C3orf22: variants seen among roughly 807,000 people sequenced by gnomAD.
The protein encoded by C3orf22 is uncharacterized protein C3orf22.
C3orf22 carries 7 observed loss-of-function variants against 10.8 expected under a neutral mutation model. That is an observed-to-expected ratio of 0.65 (90% CI 0.37 to 1.22). C3orf22 has a LOEUF of 1.22. C3orf22 is among the 50% of genes most tolerant of loss of function. The pLI is 0.02. For synonymous variants in C3orf22, 79 were observed against 78.9 expected (o/e 1.00, Z 0.00); for missense variants, 173 against 177.0 (o/e 0.98, Z 0.13).
intron 2 of C3orf22, 108 bp from the exon 3 acceptor site, chr3:126,552,230 A>G: frequency 3.3e-6 from 5 of 1,516,456 alleles, no homozygotes; most frequent in Non-Finnish European, 4.5e-6. Flanking sequence ...TAAGTGCTTC[A>G]CAAATATTAG....
chr3:126,546,930 A>G (rs139181818), downstream of C3orf22, among the ~76,000 whole-genome samples: 1 of 152,322 alleles, frequency 6.6e-6, no homozygotes, highest in East Asian at 1.9e-4. Flanking sequence ...AATCAACCAT[A>G]AATCCATGAT....
chr3:126,549,983 T>C lies in C3orf22; in HGVS notation c.311A>G (p.Lys104Arg). Residue 104 changes from lysine to arginine, a missense_variant, in exon 4 of 4, where the codon AAG becomes AGG. Physicochemically the swap from Lys to Arg is conservative, Grantham distance 26 (BLOSUM62 2). Coordinates refer to ENST00000318225, the MANE Select transcript of C3orf22 (RefSeq NM_152533.3). ...TCTGGGGAAGCGGCGACTCAGCAAC[T>C]TGAGTTCCCAAAGGTTGCACAGTGG... The part of the protein sequence containing the change: ...PPPLCNLWEL[K>R]LLSRRFPRQL... The C allele has an allele frequency of 6.2e-7, 1 of 1,614,066 alleles. No individual in the cohort carries two copies. Among genetic ancestry groups the C allele is most frequent in the Non-Finnish European group, 8.5e-7 (1 of 1,180,016 alleles).
chr3:126,527,711 G>T (rs1427245831), exon 6 of C3orf22: 2 of 152,296 alleles, frequency 1.3e-5, no homozygotes, highest in African/African-American at 2.4e-5. Context: ...GTGGGCAAAG[G>T]GAGGGGAAGT....
chr3:126,550,285 C>A lies in C3orf22; in HGVS notation c.216-207G>T, dbSNP rs111677884. On this transcript the variant is annotated intron_variant, in intron 3 of 3. Transcript: ENST00000318225. ...TGGGGGCACCGCACACTCACCCCCC[C>A]ACACAGGCTCCTCCAGCCACCTGAC... Among the ~76,000 whole-genome samples the A allele has an allele frequency of 1.5e-4, 23 of 152,230 alleles. 1 individual carries two copies. The highest frequency in any genetic ancestry group is 2.2e-4 in the African/African-American group (9 of 41,526).
chr3:126,555,392 C>G (rs1218443642), intron 1 of C3orf22, among the ~76,000 whole-genome samples: 1 of 152,204 alleles, frequency 6.6e-6, no homozygotes, highest in Admixed American at 6.5e-5. Context: ...CAGGACGGTA[C>G]AGTCGCAGGA....
intron 4 of C3orf22, among the ~76,000 whole-genome samples, chr3:126,535,387 TAGAC>T (rs1320261756): frequency 8.7e-5 from 7 of 80,684 alleles, no homozygotes; most frequent in Non-Finnish European, 1.5e-4. Context: ...CCCCAGCTGG[TAGAC>T]AGACAGACAG....
intron 4 of C3orf22, among the ~76,000 whole-genome samples, chr3:126,529,760 C>CTTCCA (rs2107562972): frequency 6.6e-6 from 1 of 152,298 alleles, no homozygotes; most frequent in South Asian, 2.1e-4. Flanking sequence ...CCCTCCTCCC[C>CTTCCA]TCCCATCATC....
chr3:126,535,289 AAGAC>A (rs902590202), intron 4 of C3orf22, among the ~76,000 whole-genome samples: 1 of 106,168 alleles, frequency 9.4e-6, no homozygotes, highest in African/African-American at 3.6e-5. Flanking sequence ...CAGCTGGAGA[AAGAC>A]AGACAGCATC....
chr3:126,557,498 A>C (rs1937377765), intron 1 of C3orf22, among the ~76,000 whole-genome samples: 1 of 152,074 alleles, frequency 6.6e-6, no homozygotes, highest in South Asian at 2.1e-4. Context: ...CTGCTCATCC[A>C]TCCCTCTGAG....
At chr3:126,538,362 G>C (rs966760556) in intron 4 of C3orf22, among the ~76,000 whole-genome samples, 12 of 152,322 alleles carry the variant, frequency 7.9e-5, no homozygotes, top group African/African-American at 1.9e-4. Flanking sequence ...TGAGTGGTGG[G>C]GTAAGGGTTT....
downstream of C3orf22, among the ~76,000 whole-genome samples, chr3:126,544,892 C>T (rs1937040687): frequency 6.6e-6 from 1 of 152,260 alleles, no homozygotes; most frequent in African/African-American, 2.4e-5. Flanking sequence ...TCTGTACCCT[C>T]TGCTGTATGT....
intron 2 of C3orf22, 74 bp downstream of exon 2, chr3:126,553,228 C>G (rs574750772): frequency 2.9e-6 from 3 of 1,041,384 alleles, no homozygotes; most frequent in Non-Finnish European, 4.6e-6. Context: ...CCACAGAATG[C>G]ATTTGAGTTC....
intron 3 of C3orf22, among the ~76,000 whole-genome samples, chr3:126,550,337 C>T (rs1230781421): frequency 6.6e-6 from 1 of 152,166 alleles, no homozygotes; most frequent in Non-Finnish European, 1.5e-5. Context: ...AGGAGCCTCC[C>T]CAGTGCCTCC....
chr3:126,531,279 G>C (rs1487283412), intron 4 of C3orf22, among the ~76,000 whole-genome samples: 2 of 152,218 alleles, frequency 1.3e-5, no homozygotes, highest in African/African-American at 4.8e-5. Context: ...CACACAAGCT[G>C]AAGTTTGGGA....
chr3:126,529,340 T>A (rs1453007584), exon 5 of C3orf22: 1 of 1,289,268 alleles, frequency 7.8e-7, no homozygotes, highest in Admixed American at 2.3e-5. Flanking sequence ...GGCTGGTATT[T>A]CCTCATGGGT....
At chr3:126,546,473 A>G (rs1937068965), downstream of C3orf22, among the ~76,000 whole-genome samples, 2 of 152,126 alleles carry the variant, frequency 1.3e-5, no homozygotes, top group Admixed American at 6.5e-5. Context: ...GGAGGTGATC[A>G]GGTTGAGATG....
intron 4 of C3orf22, among the ~76,000 whole-genome samples, chr3:126,540,148 G>T (rs890894411): frequency 6.6e-6 from 1 of 151,920 alleles, no homozygotes. Context: ...TCCCAAGCAG[G>T]CCCTGGCTCT....
chr3:126,549,894 C>A lies in C3orf22; in HGVS notation c.400G>T (p.Ala134Ser), dbSNP rs760806513. The A allele has an allele frequency of 1.2e-5, 19 of 1,613,454 alleles. No homozygotes were observed. The South Asian group carries it at 1.9e-4, about 16-fold the overall frequency. The change falls in exon 4 of 4, where the codon GCA becomes TCA. Residue 134 changes from alanine (A) to serine (S), a missense_variant. Coordinates refer to ENST00000318225, the MANE Select transcript of C3orf22 (RefSeq NM_152533.3). ...TAGGAGAGGCCCCTGGACAGCCCTG[C>A]CGCCTTGCTGGTCTGGGGGCAGGCA... ...EAACPQTSKA[A>S]GLSRGLS is the part of the protein sequence containing the mutation.
intron 1 of C3orf22, among the ~76,000 whole-genome samples, chr3:126,556,441 C>G (rs566290061): frequency 3.9e-5 from 6 of 152,158 alleles, no homozygotes; most frequent in Admixed American, 3.9e-4. Context: ...CTTCCCTCCC[C>G]ACATCCCACT....
Sources: allele counts gnomAD v4.1 joint callset (sites outside exome capture counted in the v4.1 genomes callset), GRCh38; gene constraint gnomAD v4.1.1; transcripts MANE v1.5; gene names NCBI Gene and HGNC (gene_info 2026-07-23, HGNC 2026-07-21).